Variants in POLK observed in about 807,000 individuals in gnomAD.
The protein encoded by POLK is DNA polymerase kappa.
In POLK, 76 loss-of-function variants were observed where a neutral mutation model predicts 94.0. The observed-to-expected ratio is 0.81, with a 90% CI of 0.67 to 0.98. The LOEUF (loss-of-function observed/expected upper bound fraction) is 0.98. Among genes scored for constraint, POLK ranks in the 50% least tolerant of loss-of-function variants. The pLI is 0.00. For synonymous variants in POLK, 349 were observed against 325.4 expected, an observed-to-expected ratio of 1.07 and a Z score of -0.78; for missense variants, 954 against 1,010.1, an observed-to-expected ratio of 0.94 and a Z score of 0.75.
At chr5:75,572,165 G>T (rs1157485600) in intron 4 of POLK, among the ~76,000 whole-genome samples, 1 of 152,076 alleles carries the variant, frequency 6.6e-6, no homozygotes, top group South Asian at 2.1e-4. Context: ...TAGTACTGTG[G>T]TCTACCACGT....
chr5:75,553,374 TTA>T (rs1391969329), intron 3 of POLK, among the ~76,000 whole-genome samples: 1 of 152,132 alleles, frequency 6.6e-6, no homozygotes, highest in African/African-American at 2.4e-5. Context: ...AACAATAAAA[TTA>T]GATTAATCTA....
At chr5:75,608,450 C>A in the POLK span, among the ~76,000 whole-genome samples, 2 of 152,186 alleles carry the variant, frequency 1.3e-5, no homozygotes, top group Non-Finnish European at 2.9e-5. Context: ...CCACTTCGGC[C>A]TCTCAAATTG....
chr5:75,522,821 T>C (rs971851609), intron 1 of POLK, among the ~76,000 whole-genome samples: 1 of 152,124 alleles, frequency 6.6e-6, no homozygotes, highest in Non-Finnish European at 1.5e-5. Context: ...ATGAATACAT[T>C]CATATAGTAA....
At chr5:75,565,334 T>A (rs1018302147) in intron 3 of POLK, among the ~76,000 whole-genome samples, 1 of 152,168 alleles carries the variant, frequency 6.6e-6, no homozygotes, top group African/African-American at 2.4e-5. Context: ...ATATGCTCCT[T>A]TAGCTCGGAG....
At chr5:75,592,789 C>T (rs1038931225) in intron 11 of POLK, among the ~76,000 whole-genome samples, 4 of 152,030 alleles carry the variant, frequency 2.6e-5, no homozygotes, top group Admixed American at 6.6e-5. Flanking sequence ...CATAGTGGCT[C>T]ATGCCTGTAA....
At chr5:75,595,276 C>T (rs1313746112) in intron 12 of POLK, among the ~76,000 whole-genome samples, 1 of 91,486 alleles carries the variant, frequency 1.1e-5, no homozygotes, top group Admixed American at 9.4e-5. Flanking sequence ...AAAAAAAAGC[C>T]CAAGAGCAGA....
intron 2 of POLK, among the ~76,000 whole-genome samples, chr5:75,549,041 G>A (rs1341796921): frequency 6.6e-6 from 1 of 152,206 alleles, no homozygotes; most frequent in African/African-American, 2.4e-5. Flanking sequence ...TGTTTCACTT[G>A]TAATGAAGCA....
chr5:75,572,948 A>C (rs1248309823), intron 4 of POLK, among the ~76,000 whole-genome samples: 3 of 152,234 alleles, frequency 2.0e-5, no homozygotes, highest in Admixed American at 1.3e-4. Context: ...TGTGGAAGTT[A>C]GTGTGGCGAT....
At chr5:75,511,743 T>A, upstream of POLK, 2 of 1,548,794 alleles carry the variant, frequency 1.3e-6, no homozygotes, top group Non-Finnish European at 8.7e-7. Flanking sequence ...TTCGGGATCC[T>A]CCTCCCGAAC....
rs1474212919 is a variant in POLK at position 75,597,461 on chromosome 5, T to C, written c.2485+283T>C. On this transcript the variant is annotated intron_variant, in intron 13 of 14. Transcript: ENST00000241436. ...CAAACAAATTCCTTCAGAGAACATC[T>C]GTGAAGGCACAGTGGTAAATTAACT... 3.2e-5 allele frequency: 13 copies of C among 409,958 alleles called. No individual in the cohort carries two copies. In the East Asian group the frequency reaches 4.6e-4, roughly 14 times the overall value. 25.4% of individuals were successfully genotyped at this position (409,958 alleles called of 1,614,324 possible). A position where few individuals can be genotyped will look rare whatever the true frequency, so the allele number is the denominator to read the frequency against.
chr5:75,549,099 A>T (rs912515548), intron 2 of POLK, among the ~76,000 whole-genome samples: 2 of 152,148 alleles, frequency 1.3e-5, no homozygotes, highest in East Asian at 1.9e-4. Flanking sequence ...ATAGTTTTAT[A>T]TGTGTTTATT....
intron 3 of POLK, among the ~76,000 whole-genome samples, chr5:75,556,956 G>T (rs539874702): frequency 6.6e-6 from 1 of 152,246 alleles, no homozygotes; most frequent in Non-Finnish European, 1.5e-5. Flanking sequence ...CTAGCTATTT[G>T]GGAGGCTGAG....
chr5:75,606,995 C>T, the POLK span, among the ~76,000 whole-genome samples: 1 of 152,136 alleles, frequency 6.6e-6, no homozygotes, highest in African/African-American at 2.4e-5. Context: ...TGCAAATCCT[C>T]TATGGAAGAA....
chr5:75,552,612 T>C (rs1172595413), intron 3 of POLK, 21 bp downstream of exon 3: 2 of 1,585,514 alleles, frequency 1.3e-6, no homozygotes, highest in East Asian at 2.2e-5. Context: ...AATTGTTAAA[T>C]AAAGTGGAAG....
downstream of POLK, among the ~76,000 whole-genome samples, chr5:75,602,500 G>A (rs1304929626): frequency 6.6e-6 from 1 of 152,164 alleles, no homozygotes; most frequent in Non-Finnish European, 1.5e-5. Flanking sequence ...GGAGTAACCT[G>A]AGGCTGCTAG....
intron 1 of POLK, among the ~76,000 whole-genome samples, chr5:75,537,246 CA>C (rs1443667541): frequency 6.6e-6 from 1 of 152,206 alleles, no homozygotes; most frequent in Non-Finnish European, 1.5e-5. Context: ...CCAAACATCT[CA>C]GTGGCTCTGC....
intron 11 of POLK, among the ~76,000 whole-genome samples, chr5:75,591,627 G>A (rs907533872): frequency 6.6e-6 from 1 of 151,958 alleles, no homozygotes; most frequent in Non-Finnish European, 1.5e-5. Flanking sequence ...CATTAATGTC[G>A]TCTCTGCCTT....
At chr5:75,595,646 A>G (rs1276208175) in intron 12 of POLK, among the ~76,000 whole-genome samples, 1 of 152,236 alleles carries the variant, frequency 6.6e-6, no homozygotes, top group East Asian at 1.9e-4. Flanking sequence ...GTATGATTCT[A>G]TAATGACACG....
chr5:75,578,560 C>T (rs369125874), intron 6 of POLK, among the ~76,000 whole-genome samples: 71 of 152,286 alleles, frequency 4.7e-4, no homozygotes, highest in Non-Finnish European at 7.4e-4. Context: ...TTGCCCTCTT[C>T]GTGTATTTTC....
Sources: allele counts gnomAD v4.1 joint callset (sites outside exome capture counted in the v4.1 genomes callset), GRCh38; gene constraint gnomAD v4.1.1; transcripts MANE v1.5; gene names NCBI Gene and HGNC (gene_info 2026-07-23, HGNC 2026-07-21).